The following ARHGEF37 variants were observed in gnomAD, a reference collection of about 807,000 sequenced individuals.
ARHGEF37 encodes Rho guanine nucleotide exchange factor 37.
A neutral mutation model predicts 71.1 loss-of-function variants in ARHGEF37; 55 were observed. That is an observed-to-expected ratio of 0.77 (90% CI 0.62 to 0.97). The LOEUF is 0.97. Ranked by LOEUF, ARHGEF37 falls within the 50% of genes least tolerant of loss-of-function variation. The pLI, the probability that ARHGEF37 is intolerant of heterozygous loss-of-function variation, is 0.00. For synonymous variants in ARHGEF37, 327 were observed against 350.6 expected (o/e 0.93, Z 0.75); for missense variants, 765 against 836.8 (o/e 0.91, Z 1.06).
chr5:149,606,977 G>A (rs553747335), intron 3 of ARHGEF37, among the ~76,000 whole-genome samples: 1 of 152,128 alleles, frequency 6.6e-6, no homozygotes, highest in Non-Finnish European at 1.5e-5. Context: ...GTGCAGTGGT[G>A]CAATCTCAGC....
intron 6 of ARHGEF37, 56 bp from the exon 7 acceptor site, chr5:149,618,882 C>A: frequency 2.8e-6 from 4 of 1,406,572 alleles, no homozygotes; most frequent in Non-Finnish European, 4.0e-6. Flanking sequence ...AACACTGAAG[C>A]CGGTGTACAC....
chr5:149,624,952 G>A (rs2113383199), intron 10 of ARHGEF37, among the ~76,000 whole-genome samples: 1 of 145,624 alleles, frequency 6.9e-6, no homozygotes, highest in African/African-American at 2.5e-5. Context: ...AGGGTGGAGT[G>A]CAGTGGTGTG....
chr5:149,585,885 G>C (rs1763222953), intron 1 of ARHGEF37, among the ~76,000 whole-genome samples: 1 of 152,118 alleles, frequency 6.6e-6, no homozygotes, highest in Non-Finnish European at 1.5e-5. Context: ...AAACTTTTTG[G>C]TGGCTTCCAA....
In ARHGEF37 at chr5:149,627,094, G is replaced by A; in HGVS notation, c.1483G>A (p.Glu495Lys). The change falls in exon 11 of 13, where the codon GAA becomes AAA. Residue 495 changes from glutamate to lysine, a missense_variant. Coordinates refer to ENST00000333677, the MANE Select transcript of ARHGEF37 (RefSeq NM_001001669.3). ...CTCCCAGCCGCTCCTTCCAGGGTCT[G>A]AACGCCAGGTGCAGGCTCTCCTGAG... ...PTTQPLLPGS[E>K]RQVQALLSRY... 3 of 1,613,592 alleles carry A rather than the reference G, an allele frequency of 1.9e-6. No homozygotes were observed. The highest frequency in any genetic ancestry group is 2.5e-6 in the Non-Finnish European group (3 of 1,179,710).
chr5:149,588,709 C>T lies in ARHGEF37; in HGVS notation c.-12+7085C>T, dbSNP rs537629917. Among the ~76,000 whole-genome samples, 11 of 152,162 alleles carry T rather than the reference C, an allele frequency of 7.2e-5. No individual in the cohort carries two copies. In the East Asian group the frequency reaches 2.1e-3, roughly 29 times the overall value. ...GACCAGATTGTTTTCCTTTTTCCCCCCTTCCTTAAATGTTTAAATGGGCTC... is the reference window on the plus strand; with the variant it reads ...GACCAGATTGTTTTCCTTTTTCCCCTCTTCCTTAAATGTTTAAATGGGCTC... On this transcript the variant is annotated intron_variant, in intron 1 of 12. Coordinates refer to ENST00000333677, the MANE Select transcript of ARHGEF37 (RefSeq NM_001001669.3).
intron 2 of ARHGEF37, among the ~76,000 whole-genome samples, chr5:149,599,358 C>T (rs997728350): frequency 6.6e-5 from 10 of 152,098 alleles, no homozygotes; most frequent in Admixed American, 2.6e-4. Context: ...CCAACCACAG[C>T]CCCTGCAGGC....
intron 3 of ARHGEF37, among the ~76,000 whole-genome samples, chr5:149,607,974 T>G (rs1349012451): frequency 6.6e-6 from 1 of 152,050 alleles, no homozygotes; most frequent in Non-Finnish European, 1.5e-5. Context: ...TTCATTGTGT[T>G]AGCCAGGATG....
At chr5:149,616,789 G>C in intron 5 of ARHGEF37, 23 bp downstream of exon 5, 1 of 1,566,354 alleles carries the variant, frequency 6.4e-7, no homozygotes, top group Non-Finnish European at 8.7e-7. Context: ...GCATTTAAGG[G>C]GACACATTAG....
chr5:149,620,555 C>G, intron 8 of ARHGEF37, 91 bp downstream of exon 8: 2 of 1,017,840 alleles, frequency 2.0e-6, no homozygotes, highest in Non-Finnish European at 2.8e-6. Flanking sequence ...TTTGGCCAGG[C>G]GTGGTGGCTC....
upstream of ARHGEF37, among the ~76,000 whole-genome samples, chr5:149,578,113 C>A (rs573056246): frequency 1.3e-5 from 2 of 152,308 alleles, no homozygotes; most frequent in South Asian, 4.2e-4. Context: ...CCTGGCCTCC[C>A]ACAGCGCCTG....
chr5:149,563,527 CTTCTGCCCTAG>C (rs1376392188), intron 1 of ARHGEF37, among the ~76,000 whole-genome samples: 2 of 152,190 alleles, frequency 1.3e-5, no homozygotes, highest in African/African-American at 4.8e-5. Context: ...ATTGCCATAG[CTTCTGCCCTAG>C]TTGATATAGG....
chr5:149,630,725 C>T (rs964065477), intron 12 of ARHGEF37, among the ~76,000 whole-genome samples: 11 of 152,170 alleles, frequency 7.2e-5, no homozygotes, highest in Non-Finnish European at 1.5e-4. Context: ...CTCAGGGACT[C>T]CCCATCCAGG....
chr5:149,572,353 A>G (rs1317453658), intron 1 of ARHGEF37, among the ~76,000 whole-genome samples: 1 of 152,248 alleles, frequency 6.6e-6, no homozygotes, highest in Non-Finnish European at 1.5e-5. Flanking sequence ...TTTACATGGT[A>G]GTATTTAAGT....
Position 149,634,223 on chromosome 5 carries a change from G to A in ARHGEF37, c.*2032G>A, listed in dbSNP as rs1019423053. On this transcript the variant is annotated 3_prime_UTR_variant, in exon 13 of 13. Coordinates refer to ENST00000333677, the MANE Select transcript of ARHGEF37 (RefSeq NM_001001669.3). ...GCTTCCAATGTGCAGCCAGGGTTAGGGACCTCTACCCTAGACACAAAGTAT... is the reference window on the plus strand; with the variant it reads ...GCTTCCAATGTGCAGCCAGGGTTAGAGACCTCTACCCTAGACACAAAGTAT... 1.3e-5 allele frequency: 2 copies of A among 152,192 alleles called. No individual in the cohort carries two copies. The highest frequency in any genetic ancestry group is 1.9e-4 in the East Asian group (1 of 5,198). The allele number at this position is 152,192 out of a possible 1,614,324, so 9.4% of individuals were successfully genotyped here.
At chr5:149,584,736 AGTAGCTGGGATT>A (rs746570232) in intron 1 of ARHGEF37, among the ~76,000 whole-genome samples, 9 of 151,772 alleles carry the variant, frequency 5.9e-5, no homozygotes, top group Non-Finnish European at 1.0e-4. Flanking sequence ...CAGCCTCCTG[AGTAGCTGGGATT>A]GTAGCTGGGA....
intron 9 of ARHGEF37, among the ~76,000 whole-genome samples, chr5:149,622,885 A>G (rs1752585017): frequency 6.6e-6 from 1 of 152,168 alleles, no homozygotes; most frequent in Non-Finnish European, 1.5e-5. Context: ...CCACCTTGGG[A>G]GCAATTTCAA....
At chr5:149,626,511 T>C (rs1336112256) in intron 10 of ARHGEF37, among the ~76,000 whole-genome samples, 1 of 152,124 alleles carries the variant, frequency 6.6e-6, no homozygotes, top group Non-Finnish European at 1.5e-5. Flanking sequence ...GGTAAAACTC[T>C]CTCCTGTATT....
chr5:149,598,077 T>G, intron 2 of ARHGEF37, 122 bp downstream of exon 2: 1 of 1,213,538 alleles, frequency 8.2e-7, no homozygotes, highest in South Asian at 1.6e-5. Context: ...AGATGTGAAG[T>G]CTGACAGACC....
chr5:149,626,496 G>C (rs377111962), intron 10 of ARHGEF37, among the ~76,000 whole-genome samples: 2 of 152,240 alleles, frequency 1.3e-5, no homozygotes, highest in South Asian at 4.1e-4. Context: ...TGGCAATTTC[G>C]TCTAGGTAAA....
Sources: gnomAD v4.1 joint callset for allele counts (sites outside exome capture counted in the v4.1 genomes callset) on GRCh38, gnomAD v4.1.1 for gene constraint, MANE v1.5 for transcripts, NCBI Gene and HGNC (gene_info 2026-07-23, HGNC 2026-07-21) for gene names.